NME9: variants seen among roughly 807,000 people sequenced by gnomAD.
NME9 encodes the protein thioredoxin domain-containing protein 6.
A neutral mutation model predicts 44.4 loss-of-function variants in NME9; 48 were observed. That is an observed-to-expected ratio of 1.08 (90% CI 0.86 to 1.37). The LOEUF is 1.37. Among genes scored for constraint, NME9 ranks in the 40% most tolerant of loss-of-function variants. The pLI, the probability that NME9 is intolerant of heterozygous loss-of-function variation, is 0.00. For synonymous variants in NME9, 139 were observed against 147.1 expected (o/e 0.94, Z 0.40); for missense variants, 325 against 405.2 (o/e 0.80, Z 1.70).
At chr3:138,285,605 T>C (rs1223952523) in intron 8 of NME9, among the ~76,000 whole-genome samples, 1 of 152,214 alleles carries the variant, frequency 6.6e-6, no homozygotes, top group Non-Finnish European at 1.5e-5. Context: ...CCCTTATAGA[T>C]TATTCCTCAT....
chr3:138,301,580 G>A lies in NME9; in HGVS notation c.*60C>T. 1 of 1,525,728 alleles carries A rather than the reference G, an allele frequency of 6.6e-7. No homozygotes were observed. The highest frequency in any genetic ancestry group is 1.2e-5 in the South Asian group (1 of 82,560). 94.5% of individuals were successfully genotyped at this position (1,525,728 alleles called of 1,614,324 possible). On this transcript the variant is annotated 3_prime_UTR_variant, in exon 11 of 11. Coordinates refer to ENST00000333911, the MANE Select transcript of NME9 (RefSeq NM_001349018.2). ...CTCAAAAGAGTAAGTTCCGATTCCG[G>A]AGGTCTGTTTTGTGCAGTAGACCCC...
chr3:138,308,142 C>G (rs2052415088), intron 6 of NME9, among the ~76,000 whole-genome samples: 1 of 152,094 alleles, frequency 6.6e-6, no homozygotes, highest in East Asian at 1.9e-4. Context: ...GGAGATGATG[C>G]AACAGGGGAG....
chr3:138,264,311 T>C, intron 8 of NME9: 2 of 868,924 alleles, frequency 2.3e-6, no homozygotes, highest in South Asian at 3.3e-5. Flanking sequence ...ATGTCTGATT[T>C]TTGTGTAGAG....
intron 8 of NME9, chr3:138,289,008 A>T (rs771447612): frequency 5.2e-6 from 8 of 1,545,256 alleles, no homozygotes; most frequent in Non-Finnish European, 7.1e-6. Flanking sequence ...AAATGAGATT[A>T]CCACCATTTT....
At position 138,266,868 on chromosome 3, in the gene NME9, A is replaced by G. The variant is rs776606694; in HGVS notation, c.746-4282T>C. Among the ~76,000 whole-genome samples the G allele has an allele frequency of 7.9e-5, 12 of 152,270 alleles. No individual in the cohort carries two copies. In the South Asian group the frequency reaches 2.3e-3, roughly 29 times the overall value. ...CAGAGCAGTCCCTTGGCCTTCAAGC[A>G]TTTCACATAAGAGTATCTTCCCCTG... On this transcript the variant is annotated intron_variant, in intron 8 of 8. Coordinates refer to the NME9 transcript ENST00000317876.
At chr3:138,262,822 G>A (rs1390706329) in intron 8 of NME9, among the ~76,000 whole-genome samples, 2 of 152,204 alleles carry the variant, frequency 1.3e-5, no homozygotes, top group Non-Finnish European at 2.9e-5. Context: ...GTGAGTACAA[G>A]AGGACTACCT....
chr3:138,306,842 TG>T (rs1379681961), intron 6 of NME9, among the ~76,000 whole-genome samples: 2 of 152,110 alleles, frequency 1.3e-5, no homozygotes, highest in Non-Finnish European at 2.9e-5. Context: ...TGAGTTGGCC[TG>T]GGGAGTGGGA....
chr3:138,315,998 A>T lies in NME9; in HGVS notation c.268-355T>A, dbSNP rs1380678820. ...AGGTGCCCGCCACCATGCCCGGCTAATTTTTTTGTATTTTTAGTAGAGACG... is the reference window on the plus strand; with the variant it reads ...AGGTGCCCGCCACCATGCCCGGCTATTTTTTTTGTATTTTTAGTAGAGACG... On this transcript the variant is annotated intron_variant, in intron 4 of 10. Coordinates refer to ENST00000333911, the MANE Select transcript of NME9 (RefSeq NM_001349018.2). Among the ~76,000 whole-genome samples the T allele has an allele frequency of 2.0e-5, 3 of 152,050 alleles. No homozygotes were observed. In the East Asian group the frequency reaches 5.8e-4, roughly 29 times the overall value.
chr3:138,274,580 A>C, intron 8 of NME9: 1 of 1,491,512 alleles, frequency 6.7e-7, no homozygotes, highest in Non-Finnish European at 9.3e-7. Context: ...ATATTTTCTG[A>C]ATGTGAGCAC....
chr3:138,311,785 T>C (rs746327597), intron 6 of NME9, among the ~76,000 whole-genome samples: 1 of 152,150 alleles, frequency 6.6e-6, no homozygotes, highest in Non-Finnish European at 1.5e-5. Flanking sequence ...GCCAGCATCA[T>C]AGTGAATGGG....
chr3:138,267,107 ATCT>A lies in NME9; in HGVS notation c.746-4524_746-4522del, dbSNP rs377239928. On this transcript the variant is annotated intron_variant, in intron 8 of 8. Transcript: ENST00000317876. ...TATTTTATATCTCATTTTATATCTCATCTTCATCATTCCAAATCATTAGTAGTA... is the reference window on the plus strand; with the variant it reads ...TATTTTATATCTCATTTTATATCTCATCATCATTCCAAATCATTAGTAGTA... 2.5e-4 allele frequency: 242 copies of A among 954,048 alleles called. 1 individual carries two copies. The African/African-American group carries it at 3.0e-3, about 12-fold the overall frequency. The allele number at this position is 954,048 out of a possible 1,614,324, so 59.1% of individuals were successfully genotyped here.
At chr3:138,292,953 C>G (rs1043470240) in intron 8 of NME9, among the ~76,000 whole-genome samples, 1 of 152,122 alleles carries the variant, frequency 6.6e-6, no homozygotes, top group Admixed American at 6.5e-5. Context: ...GAAAAAGATG[C>G]CTGGACGGTG....
chr3:138,303,090 C>A (rs963294656), intron 10 of NME9, among the ~76,000 whole-genome samples: 22 of 152,240 alleles, frequency 1.4e-4, no homozygotes, highest in African/African-American at 5.1e-4. Flanking sequence ...AGGTTGAGGG[C>A]CCTTCCGTAT....
chr3:138,274,196 T>TTATGTATG (rs562378964), intron 8 of NME9, among the ~76,000 whole-genome samples: 1 of 151,820 alleles, frequency 6.6e-6, no homozygotes, highest in Non-Finnish European at 1.5e-5. Context: ...CAGGTCAACT[T>TTATGTATG]TATGTATGTA....
downstream of NME9, among the ~76,000 whole-genome samples, chr3:138,300,403 C>T (rs1275392273): frequency 3.3e-5 from 5 of 152,302 alleles, no homozygotes; most frequent in East Asian, 9.6e-4. Context: ...TAAAGAACCT[C>T]AAGTCATGGA....
chr3:138,324,555 G>A (rs1383630588), intron 2 of NME9: 1 of 485,244 alleles, frequency 2.1e-6, no homozygotes, highest in Non-Finnish European at 4.1e-6. Context: ...TGAGTTCCAA[G>A]AGATCCCTGT....
intron 2 of NME9, among the ~76,000 whole-genome samples, chr3:138,322,377 G>A: frequency 6.6e-6 from 1 of 151,704 alleles, no homozygotes; most frequent in Non-Finnish European, 1.5e-5. Flanking sequence ...GCGGGGGTGG[G>A]GGGTAGGGGG....
At chr3:138,307,474 A>G (rs999644321) in intron 6 of NME9, among the ~76,000 whole-genome samples, 2 of 152,252 alleles carry the variant, frequency 1.3e-5, no homozygotes, top group Non-Finnish European at 2.9e-5. Flanking sequence ...AAATGAAACA[A>G]GACAATATCT....
intron 8 of NME9, among the ~76,000 whole-genome samples, chr3:138,295,673 G>A (rs967085172): frequency 6.6e-6 from 1 of 152,244 alleles, no homozygotes; most frequent in African/African-American, 2.4e-5. Flanking sequence ...TATAGCCAGA[G>A]TAGATTTCAG....
Sources: gnomAD v4.1 joint callset for allele counts (sites outside exome capture counted in the v4.1 genomes callset) on GRCh38, gnomAD v4.1.1 for gene constraint, MANE v1.5 for transcripts, NCBI Gene and HGNC (gene_info 2026-07-23, HGNC 2026-07-21) for gene names.